Variants in FSTL5 observed in about 807,000 individuals in gnomAD.
The protein encoded by FSTL5 is follistatin-related protein 5.
A neutral mutation model predicts 89.1 loss-of-function variants in FSTL5; 62 were observed. That is an observed-to-expected ratio of 0.70 (90% CI 0.57 to 0.86). FSTL5 has a LOEUF of 0.86. Ranked by LOEUF, FSTL5 falls within the 40% of genes least tolerant of loss-of-function variation. FSTL5 has a pLI of 0.00. For synonymous variants in FSTL5, 383 were observed against 346.2 expected (o/e 1.11, Z -1.18); for missense variants, 1,057 against 1,001.6 (o/e 1.06, Z -0.75).
intron 3 of FSTL5, among the ~76,000 whole-genome samples, chr4:161,943,001 A>C (rs932626965): frequency 1.3e-5 from 2 of 152,200 alleles, no homozygotes; most frequent in Non-Finnish European, 2.9e-5. Flanking sequence ...ATCGACACTG[A>C]GAAGTCTATT....
intron 6 of FSTL5, among the ~76,000 whole-genome samples, chr4:161,737,273 A>T (rs866633190): frequency 6.6e-6 from 1 of 152,020 alleles, no homozygotes. Flanking sequence ...AATGAGGAAA[A>T]TGGAGAGGAA....
intron 2 of FSTL5, among the ~76,000 whole-genome samples, chr4:162,083,807 A>G (rs930946185): frequency 6.6e-6 from 1 of 151,908 alleles, no homozygotes; most frequent in Non-Finnish European, 1.5e-5. Context: ...CTGAAAACAT[A>G]AAGAAAACAT....
At position 161,900,263 on chromosome 4, in the gene FSTL5, A is replaced by T. The variant is rs558256444; in HGVS notation, c.409+20141T>A. 2.0e-5 allele frequency among the ~76,000 whole-genome samples: 3 copies of T among 152,218 alleles called. No individual in the cohort carries two copies. The South Asian group carries it at 6.2e-4, about 32-fold the overall frequency. On this transcript the variant is annotated intron_variant, in intron 4 of 15. Transcript: ENST00000306100. ...GCTGAACAAGCATGTAATGCTGGAG[A>T]CAAAAGACACCACTGGAGCAGAAAA...
chr4:162,061,161 C>G (rs1280247960), intron 2 of FSTL5, among the ~76,000 whole-genome samples: 2 of 151,906 alleles, frequency 1.3e-5, no homozygotes, highest in Non-Finnish European at 2.9e-5. Flanking sequence ...AGTTATAATG[C>G]TAAGCCAGTA....
intron 2 of FSTL5, among the ~76,000 whole-genome samples, chr4:162,091,206 C>T (rs576362798): frequency 6.6e-6 from 1 of 152,222 alleles, no homozygotes; most frequent in Admixed American, 6.5e-5. Flanking sequence ...GAGGATCATC[C>T]TATATGCTCC....
intron 6 of FSTL5, among the ~76,000 whole-genome samples, chr4:161,676,100 A>G (rs1737291137): frequency 1.3e-5 from 2 of 152,118 alleles, no homozygotes; most frequent in African/African-American, 4.8e-5. Context: ...GGTAATGGTA[A>G]TAGCTATATC....
At chr4:161,585,416 G>C (rs1451708024) in intron 8 of FSTL5, among the ~76,000 whole-genome samples, 3 of 152,096 alleles carry the variant, frequency 2.0e-5, no homozygotes, top group Non-Finnish European at 4.4e-5. Context: ...CTGCACTTGT[G>C]ATCTTTTCTT....
intron 4 of FSTL5, among the ~76,000 whole-genome samples, chr4:161,806,872 T>C (rs186636746): frequency 6.6e-6 from 1 of 152,102 alleles, no homozygotes; most frequent in Non-Finnish European, 1.5e-5. Context: ...CATACATACA[T>C]ACACATATAG....
intron 2 of FSTL5, among the ~76,000 whole-genome samples, chr4:162,045,001 T>A (rs2111237020): frequency 6.6e-6 from 1 of 152,328 alleles, no homozygotes; most frequent in Non-Finnish European, 1.5e-5. Context: ...GCTGCTTCAC[T>A]TTCTCATTAT....
rs200138239 is a variant in FSTL5 at position 161,542,742 on chromosome 4, A to ATTTT, written c.1016-50_1016-49insAAAA. The stretch of plus-strand genomic sequence containing the variant: ...AGTGAATTAGTGATTCATATTTTCT[A>ATTTT]TTTAATTTTCCAAAAGAAAAATTGC... On this transcript the variant is annotated intron_variant, in intron 8 of 15. Transcript: ENST00000306100. 2,804 of 1,292,030 alleles carry ATTTT rather than the reference A, an allele frequency of 2.2e-3. 38 individuals are homozygous for ATTTT. In the African/African-American group the frequency reaches 0.037, roughly 17 times the overall value. The allele number at this position is 1,292,030 out of a possible 1,614,324, so 80.0% of individuals were successfully genotyped here.
chr4:161,476,192 T>TTTTTTTTTTTTTTTG (rs1560913684), intron 13 of FSTL5, among the ~76,000 whole-genome samples: 1 of 113,600 alleles, frequency 8.8e-6, no homozygotes. Context: ...TTTTTTTGTT[T>TTTTTTTTTTTTTTTG]GTTTGTTTTT....
At chr4:161,873,358 C>T (rs891028288) in intron 4 of FSTL5, among the ~76,000 whole-genome samples, 12 of 152,078 alleles carry the variant, frequency 7.9e-5, no homozygotes, top group East Asian at 3.8e-4. Context: ...ACTATCAGTA[C>T]GCCCTTTAGG....
At chr4:161,787,197 T>C (rs1032200524) in intron 4 of FSTL5, among the ~76,000 whole-genome samples, 2 of 152,086 alleles carry the variant, frequency 1.3e-5, no homozygotes, top group Non-Finnish European at 2.9e-5. Context: ...AAATAATTTA[T>C]AAATGAGATG....
intron 3 of FSTL5, among the ~76,000 whole-genome samples, chr4:162,001,276 T>C (rs574227380): frequency 1.3e-5 from 2 of 152,170 alleles, no homozygotes; most frequent in African/African-American, 4.8e-5. Context: ...GTTGTAGAGA[T>C]AGAGAAACAT....
At chr4:161,946,415 A>G (rs557040725) in intron 3 of FSTL5, among the ~76,000 whole-genome samples, 12 of 152,352 alleles carry the variant, frequency 7.9e-5, no homozygotes, top group African/African-American at 2.4e-4. Flanking sequence ...TTGCCATTAT[A>G]CTGAAAGTCA....
chr4:161,629,061 G>T (rs1020792618), intron 7 of FSTL5, among the ~76,000 whole-genome samples: 2 of 152,166 alleles, frequency 1.3e-5, no homozygotes, highest in African/African-American at 4.8e-5. Context: ...AGAAAGAAAT[G>T]ACATCAATTA....
chr4:161,656,391 T>A lies in FSTL5; in HGVS notation c.831A>T (p.Arg277Ser). Residue 277 changes from arginine (R) to serine (S), a missense_variant, in exon 7 of 16, where the codon AGA becomes AGT. Arg to Ser is a moderately radical substitution (Grantham distance 110, BLOSUM62 -1). Coordinates refer to ENST00000306100, the MANE Select transcript of FSTL5 (RefSeq NM_020116.5). The stretch of plus-strand genomic sequence containing the variant: ...TGTTCCTTTTCCAGATAATGGGAGG[T>A]CTCAGGGTTCCTTGAATGGCACAGC... ...VLSCAIQGTL[R>S]PPIIWKRNNI... 6.2e-7 allele frequency: 1 copy of A among 1,608,822 alleles called. No individual in the cohort carries two copies. Among genetic ancestry groups the A allele is most frequent in the Non-Finnish European group, 8.5e-7 (1 of 1,175,990 alleles).
intron 1 of FSTL5, among the ~76,000 whole-genome samples, chr4:162,149,983 CTAAA>C (rs1733163380): frequency 6.6e-6 from 1 of 152,108 alleles, no homozygotes; most frequent in African/African-American, 2.4e-5. Context: ...TATTTTTCCT[CTAAA>C]TTAAGGAAAT....
chr4:161,729,456 A>G (rs752353996), intron 6 of FSTL5, among the ~76,000 whole-genome samples: 2 of 152,110 alleles, frequency 1.3e-5, no homozygotes, highest in East Asian at 3.9e-4. Flanking sequence ...TTAAACACAC[A>G]CTTCTGAATG....
Sources: gnomAD v4.1 joint callset for allele counts (sites outside exome capture counted in the v4.1 genomes callset) on GRCh38, gnomAD v4.1.1 for gene constraint, MANE v1.5 for transcripts, NCBI Gene and HGNC (gene_info 2026-07-23, HGNC 2026-07-21) for gene names.